Variants in MACROD2 observed in about 807,000 individuals in gnomAD.
MACROD2 encodes the protein ADP-ribose glycohydrolase MACROD2.
MACROD2 carries 36 observed loss-of-function variants against 70.4 expected under a neutral mutation model. The observed-to-expected ratio is 0.51, with a 90% confidence interval of 0.39 to 0.68. MACROD2 has a LOEUF of 0.68. MACROD2 is among the 30% of genes least tolerant of loss of function. The pLI is 0.00. For missense variants in MACROD2, 496 were observed against 538.4 expected, an observed-to-expected ratio of 0.92 and a Z score of 0.78; for synonymous variants, 172 against 178.8, an observed-to-expected ratio of 0.96 and a Z score of 0.30.
At chr20:14,915,318 C>T (rs1038619302) in intron 5 of MACROD2, among the ~76,000 whole-genome samples, 1 of 152,060 alleles carries the variant, frequency 6.6e-6, no homozygotes, top group African/African-American at 2.4e-5. Context: ...TTCAAAAGAT[C>T]GCCACCAAAT....
At chr20:15,476,261 A>G (rs1237655928) in intron 7 of MACROD2, among the ~76,000 whole-genome samples, 1 of 152,216 alleles carries the variant, frequency 6.6e-6, no homozygotes, top group Non-Finnish European at 1.5e-5. Flanking sequence ...TAAAATTTGT[A>G]TTTTATATTT....
intron 3 of MACROD2, among the ~76,000 whole-genome samples, chr20:14,156,876 G>T (rs946120142): frequency 6.6e-5 from 10 of 152,142 alleles, no homozygotes; most frequent in Admixed American, 1.3e-4. Flanking sequence ...CACTGTAAGG[G>T]TCATTGTGAG....
intron 3 of MACROD2, among the ~76,000 whole-genome samples, chr20:14,453,126 C>T (rs1394887376): frequency 6.6e-6 from 1 of 152,144 alleles, no homozygotes; most frequent in Non-Finnish European, 1.5e-5. Flanking sequence ...AGAATCAGGA[C>T]TACCTACATT....
intron 6 of MACROD2, among the ~76,000 whole-genome samples, chr20:15,428,001 A>G (rs1407215230): frequency 6.6e-6 from 1 of 152,200 alleles, no homozygotes; most frequent in Non-Finnish European, 1.5e-5. Flanking sequence ...CCAAGAACAA[A>G]GAATTATCTG....
intron 7 of MACROD2, among the ~76,000 whole-genome samples, chr20:15,448,920 A>C (rs2146389444): frequency 6.6e-6 from 1 of 152,234 alleles, no homozygotes; most frequent in South Asian, 2.1e-4. Flanking sequence ...CAGTTCTGCA[A>C]ATGGTCATCT....
rs543171102 is a variant in MACROD2, at chr20:14,533,346, C to A, written c.301+39838C>A. Among the ~76,000 whole-genome samples, 12 of 152,288 alleles carry A rather than the reference C, an allele frequency of 7.9e-5. No individual in the cohort carries two copies. In the East Asian group the frequency reaches 2.1e-3, roughly 27 times the overall value. On this transcript the variant is annotated intron_variant, in intron 4 of 17. Transcript: ENST00000684519. The stretch of plus-strand genomic sequence containing the variant: ...TCAATTCTGAATCGCTAACAAAAGC[C>A]AGTTCTATCTTTAAACCTCAGTTAG...
intron 3 of MACROD2, among the ~76,000 whole-genome samples, chr20:14,421,924 T>G (rs1461544359): frequency 6.6e-6 from 1 of 152,148 alleles, no homozygotes; most frequent in Non-Finnish European, 1.5e-5. Context: ...TGTTTACAGT[T>G]TTGTTCAAAT....
chr20:15,285,662 A>T (rs556530252), intron 6 of MACROD2, among the ~76,000 whole-genome samples: 1 of 152,310 alleles, frequency 6.6e-6, no homozygotes, highest in Admixed American at 6.5e-5. Flanking sequence ...TCATTAACAC[A>T]TCATGAGCTA....
intron 5 of MACROD2, among the ~76,000 whole-genome samples, chr20:14,956,488 T>C (rs1893969892): frequency 6.6e-6 from 1 of 152,192 alleles, no homozygotes; most frequent in African/African-American, 2.4e-5. Context: ...TTGTCAGTTG[T>C]CAGAGTAAAT....
At position 14,214,267 on chromosome 20, in the gene MACROD2, C is replaced by T. The variant is rs1055193232; in HGVS notation, c.271+128539C>T. On this transcript the variant is annotated intron_variant, in intron 3 of 17. Coordinates refer to ENST00000684519, the MANE Select transcript of MACROD2 (RefSeq NM_001351661.2). ...GCCCCCCTGTATGGGAACTATGATTCCTGCCTTCAGGCTAAAAGGCATTAA... is the reference window on the plus strand; with the variant it reads ...GCCCCCCTGTATGGGAACTATGATTTCTGCCTTCAGGCTAAAAGGCATTAA... Among the ~76,000 whole-genome samples the T allele has an allele frequency of 2.0e-5, 3 of 152,106 alleles. 1 individual carries two copies. The South Asian group carries it at 6.2e-4, about 32-fold the overall frequency.
chr20:15,215,555 A>T (rs1396599253), intron 5 of MACROD2, among the ~76,000 whole-genome samples: 3 of 152,186 alleles, frequency 2.0e-5, no homozygotes, highest in South Asian at 2.1e-4. Context: ...GAAAATACAT[A>T]AAATACATAA....
chr20:14,711,749 G>T (rs2071341704), intron 5 of MACROD2, among the ~76,000 whole-genome samples: 1 of 152,076 alleles, frequency 6.6e-6, no homozygotes, highest in African/African-American at 2.4e-5. Context: ...TTGACTTATA[G>T]AAACAGTTGC....
At chr20:15,100,480 A>G (rs1466894111) in intron 5 of MACROD2, among the ~76,000 whole-genome samples, 1 of 152,202 alleles carries the variant, frequency 6.6e-6, no homozygotes, top group Non-Finnish European at 1.5e-5. Flanking sequence ...GGACTCCCGT[A>G]CAACTGAAGT....
intron 4 of MACROD2, among the ~76,000 whole-genome samples, chr20:14,598,149 A>G (rs1249183221): frequency 2.0e-5 from 3 of 152,162 alleles, no homozygotes; most frequent in African/African-American, 7.2e-5. Flanking sequence ...TACAAGCACT[A>G]TGTTCATTGG....
intron 5 of MACROD2, among the ~76,000 whole-genome samples, chr20:14,983,577 G>A (rs2074821434): frequency 6.6e-6 from 1 of 152,094 alleles, no homozygotes; most frequent in Non-Finnish European, 1.5e-5. Context: ...TTAAAAATGG[G>A]AGTTTCCCTG....
At chr20:15,317,219 A>G (rs566234078) in intron 6 of MACROD2, among the ~76,000 whole-genome samples, 1 of 152,210 alleles carries the variant, frequency 6.6e-6, no homozygotes, top group South Asian at 2.1e-4. Flanking sequence ...GCAGAGATAA[A>G]TGAAATAGAG....
chr20:14,258,203 C>G (rs1205610922), intron 3 of MACROD2, among the ~76,000 whole-genome samples: 1 of 152,092 alleles, frequency 6.6e-6, no homozygotes, highest in African/African-American at 2.4e-5. Context: ...CATGCATGTG[C>G]AAGTGTCTTT....
intron 3 of MACROD2, among the ~76,000 whole-genome samples, chr20:14,292,674 G>C (rs962412742): frequency 2.6e-5 from 4 of 151,758 alleles, no homozygotes; most frequent in Non-Finnish European, 5.9e-5. Context: ...CACTCTTGTC[G>C]CCCAGGCTGG....
At chr20:14,969,664 T>C (rs2122796782) in intron 5 of MACROD2, among the ~76,000 whole-genome samples, 1 of 152,276 alleles carries the variant, frequency 6.6e-6, no homozygotes, top group South Asian at 2.1e-4. Context: ...TAAAGAAAAG[T>C]TGAAAGGACT....
Sources: gnomAD v4.1 joint callset for allele counts (sites outside exome capture counted in the v4.1 genomes callset) on GRCh38, gnomAD v4.1.1 for gene constraint, MANE v1.5 for transcripts, NCBI Gene and HGNC (gene_info 2026-07-23, HGNC 2026-07-21) for gene names.